CDON: variants seen among roughly 807,000 people sequenced by gnomAD.
The protein encoded by CDON is cell adhesion associated, oncogene regulated.
Under a neutral mutation model 120.9 loss-of-function variants are expected in CDON, and 73 were observed. That is an observed-to-expected ratio of 0.60 (90% CI 0.50 to 0.73). CDON has a LOEUF of 0.73. Among genes scored for constraint, CDON ranks in the 30% least tolerant of loss-of-function variants. The probability of loss-of-function intolerance (pLI) is 0.00; values close to 1 mark genes in which losing one functional copy is unlikely to be tolerated. For synonymous variants in CDON, 566 were observed against 573.5 expected, an observed-to-expected ratio of 0.99 and a Z score of 0.19; for missense variants, 1,470 against 1,587.3, an observed-to-expected ratio of 0.93 and a Z score of 1.26.
chr11:126,048,885 T>G (rs973206500), intron 1 of CDON, among the ~76,000 whole-genome samples: 1 of 152,160 alleles, frequency 6.6e-6, no homozygotes, highest in South Asian at 2.1e-4. Flanking sequence ...GTATTTTTAG[T>G]AGAGACGGAG....
At chr11:126,020,433 C>G (rs769579979) in intron 3 of CDON, among the ~76,000 whole-genome samples, 3 of 152,154 alleles carry the variant, frequency 2.0e-5, no homozygotes, top group East Asian at 3.9e-4. Context: ...ACGGACGGAG[C>G]CTGCAGGGGA....
intron 1 of CDON, among the ~76,000 whole-genome samples, chr11:126,030,710 A>C (rs1947920749): frequency 6.6e-6 from 1 of 152,206 alleles, no homozygotes; most frequent in Non-Finnish European, 1.5e-5. Flanking sequence ...CTACTTAAAA[A>C]TTCTTCATTA....
chr11:126,007,746 GAACTTTTATT>G (rs1466636034), intron 8 of CDON, among the ~76,000 whole-genome samples: 1 of 152,132 alleles, frequency 6.6e-6, no homozygotes, highest in African/African-American at 2.4e-5. Flanking sequence ...GACCTCTCCA[GAACTTTTATT>G]AAAAGGGGGA....
At chr11:126,009,259 G>C (rs1947221334) in intron 8 of CDON, among the ~76,000 whole-genome samples, 1 of 152,180 alleles carries the variant, frequency 6.6e-6, no homozygotes, top group African/African-American at 2.4e-5. Context: ...GGGCGTCCTT[G>C]TTTGCACGTG....
Position 125,959,813 on chromosome 11 carries a change from C to A in CDON, c.*1129G>T, listed in dbSNP as rs1250813249. The A allele has an allele frequency of 6.6e-6, 1 of 152,150 alleles. No individual in the cohort carries two copies. The highest frequency in any genetic ancestry group is 1.5e-5 in the Non-Finnish European group (1 of 68,026). 9.4% of individuals were successfully genotyped at this position (152,150 alleles called of 1,614,324 possible). A position where few individuals can be genotyped will look rare whatever the true frequency, so the allele number is the denominator to read the frequency against. The stretch of plus-strand genomic sequence containing the variant: ...CAGGCTCCCTGCAGCCCTCCCCTTT[C>A]TTTCTTCTGAAAATGTGTATCTTTC... On this transcript the variant is annotated 3_prime_UTR_variant, in exon 20 of 20. Coordinates refer to ENST00000531738, the MANE Select transcript of CDON (RefSeq NM_001378964.1).
intron 7 of CDON, among the ~76,000 whole-genome samples, chr11:126,013,798 C>T (rs547552589): frequency 4.0e-5 from 6 of 151,470 alleles, no homozygotes; most frequent in African/African-American, 1.5e-4. Flanking sequence ...TGATTTCTGC[C>T]CTTATTTTTA....
rs537471531 is a variant in CDON, at chr11:126,005,945, C to A, written c.1665G>T (p.Pro555=). The A allele has an allele frequency of 6.2e-7, 1 of 1,614,082 alleles. No homozygotes were observed. ...CCACTGCACTGGGATGGACCTTCACCGGAAATGAGCTCAGTAACCCAGTTT... is the reference window on the plus strand; with the variant it reads ...CCACTGCACTGGGATGGACCTTCACAGGAAATGAGCTCAGTAACCCAGTTT... ...GSETGLLSSF[P]VKVHPSAVES... Residue 555 remains proline, a synonymous_variant, in exon 9 of 20, where the codon CCG becomes CCT. Transcript: ENST00000531738.
chr11:126,023,513 A>T lies in CDON; in HGVS notation c.-37T>A. ...ACAGAAGCAATCAGGACAGGCTTCC[A>T]GAGCAAAACCCAGTCCTTGGTTCAC... is the stretch of plus-strand genomic sequence containing the variant. On this transcript the variant is annotated 5_prime_UTR_variant, in exon 2 of 20. Transcript: ENST00000531738. 4.2e-6 allele frequency: 6 copies of T among 1,426,456 alleles called. No individual in the cohort carries two copies. Among genetic ancestry groups the T allele is most frequent in the African/African-American group, 1.4e-5 (1 of 71,312 alleles). 88.4% of individuals were successfully genotyped at this position (1,426,456 alleles called of 1,614,324 possible).
At chr11:126,036,935 G>A (rs1948114111) in intron 1 of CDON, among the ~76,000 whole-genome samples, 2 of 152,192 alleles carry the variant, frequency 1.3e-5, no homozygotes, top group Admixed American at 6.5e-5. Flanking sequence ...CGATCTGCCT[G>A]CCTCAGCCGC....
At chr11:125,996,145 T>G (rs1201096888) in intron 12 of CDON, among the ~76,000 whole-genome samples, 2 of 143,994 alleles carry the variant, frequency 1.4e-5, no homozygotes, top group African/African-American at 5.2e-5. Context: ...ATTTTCCTCT[T>G]ATTCAGTCAC....
At chr11:126,009,211 C>T (rs1947219795) in intron 8 of CDON, among the ~76,000 whole-genome samples, 1 of 152,232 alleles carries the variant, frequency 6.6e-6, no homozygotes, top group African/African-American at 2.4e-5. Flanking sequence ...CCCTGGTCTC[C>T]ACCACTTCTC....
chr11:126,015,820 T>C (rs1465935442), intron 6 of CDON, among the ~76,000 whole-genome samples: 1 of 152,246 alleles, frequency 6.6e-6, no homozygotes, highest in Non-Finnish European at 1.5e-5. Context: ...TCTTAGCATT[T>C]ATTTCAGGTG....
rs1041521196 is a variant in CDON, at chr11:126,062,764, G to T, written c.-247C>A. On this transcript the variant is annotated 5_prime_UTR_variant, in exon 1 of 20. Coordinates refer to ENST00000531738, the MANE Select transcript of CDON (RefSeq NM_001378964.1). ...GCGGCGCCTCGCACGCCGGGGCTGG[G>T]GCGCTGGGCAGGGCGGGCGGGCGTG... 1.1e-3 allele frequency: 160 copies of T among 152,094 alleles called. No individual in the cohort carries two copies. Among genetic ancestry groups the T allele is most frequent in the African/African-American group, 3.5e-3 (147 of 41,452 alleles). 9.4% of individuals were successfully genotyped at this position (152,094 alleles called of 1,614,324 possible).
chr11:125,997,395 T>C lies in CDON; in HGVS notation c.2174A>G (p.Asp725Gly). The C allele has an allele frequency of 4.3e-6, 7 of 1,612,358 alleles. No individual in the cohort carries two copies. Among genetic ancestry groups the C allele is most frequent in the Non-Finnish European group, 5.9e-6 (7 of 1,178,880 alleles). Reference protein sequence around the residue: ...SRHSGVPEAPDRPTISTASET... With the variant: ...SRHSGVPEAPGRPTISTASET... Reference sequence around the variant, plus strand: ...TGATGCAGTGGAGATGGTAGGCCGATCTGGTGCCTCTGGAACTAAACACGG... The same window carrying C: ...TGATGCAGTGGAGATGGTAGGCCGACCTGGTGCCTCTGGAACTAAACACGG... The change falls in exon 12 of 20, where the codon GAT becomes GGT. Residue 725 changes from aspartate to glycine, a missense_variant. Physicochemically the swap from Asp to Gly is moderately conservative, Grantham distance 94 (BLOSUM62 -1). Coordinates refer to ENST00000531738, the MANE Select transcript of CDON (RefSeq NM_001378964.1).
intron 12 of CDON, among the ~76,000 whole-genome samples, 161 bp downstream of exon 12, chr11:125,997,046 G>C (rs931879788): frequency 6.6e-6 from 1 of 152,008 alleles, no homozygotes; most frequent in African/African-American, 2.4e-5. Context: ...GCACGGTGGT[G>C]AGTGCCTGTA....
intron 1 of CDON, among the ~76,000 whole-genome samples, chr11:126,043,939 G>A (rs560415582): frequency 2.6e-5 from 4 of 152,308 alleles, no homozygotes; most frequent in East Asian, 1.9e-4. Context: ...AGCGAAGTCC[G>A]GAACATCAAC....
chr11:126,010,418 T>C lies in CDON; in HGVS notation c.1475A>G (p.Gln492Arg). Residue 492 changes from glutamine (Q) to arginine (R), a missense_variant, in exon 8 of 20, where the codon CAG (glutamine) becomes CGG (arginine). By Grantham distance (43) the Gln-to-Arg change is conservative (BLOSUM62 1). Coordinates refer to ENST00000531738, the MANE Select transcript of CDON (RefSeq NM_001378964.1). ...ASSLHIQAVT[Q>R]EHAGKYICEA... ...GCAGATGTATTTCCCCGCATGTTCCTGAGTCACAGCCTGAATATGGAGAGA... is the reference window on the plus strand; with the variant it reads ...GCAGATGTATTTCCCCGCATGTTCCCGAGTCACAGCCTGAATATGGAGAGA... 1 of 1,614,132 alleles carries C rather than the reference T, an allele frequency of 6.2e-7. No homozygotes were observed. Among genetic ancestry groups the C allele is most frequent in the East Asian group, 2.2e-5 (1 of 44,862 alleles).
intron 14 of CDON, among the ~76,000 whole-genome samples, chr11:125,992,321 A>G (rs919619495): frequency 1.3e-5 from 2 of 152,094 alleles, no homozygotes; most frequent in African/African-American, 2.4e-5. Context: ...CTTTTGCACC[A>G]ACCTAAATAT....
chr11:126,002,533 A>G (rs1410407439), intron 10 of CDON, among the ~76,000 whole-genome samples: 1 of 151,986 alleles, frequency 6.6e-6, no homozygotes. Flanking sequence ...TCCCTTCTCT[A>G]CCCACTAACG....
Sources: gnomAD v4.1 joint callset for allele counts (sites outside exome capture counted in the v4.1 genomes callset) on GRCh38, gnomAD v4.1.1 for gene constraint, MANE v1.5 for transcripts, NCBI Gene and HGNC (gene_info 2026-07-23, HGNC 2026-07-21) for gene names.